Variants in SORCS3 observed in about 807,000 individuals in gnomAD.
SORCS3 encodes the protein sortilin related VPS10 domain containing receptor 3.
A neutral mutation model predicts 146.3 loss-of-function variants in SORCS3; 57 were observed. That is an observed-to-expected ratio of 0.39 (90% CI 0.31 to 0.49). SORCS3 has a LOEUF of 0.49. Ranked by LOEUF, SORCS3 falls within the 20% of genes least tolerant of loss-of-function variation. SORCS3 has a pLI of 0.92. For missense variants in SORCS3, 1,341 were observed against 1,575.5 expected, an observed-to-expected ratio of 0.85 and a Z score of 2.52; for synonymous variants, 653 against 618.5, an observed-to-expected ratio of 1.06 and a Z score of -0.83.
intron 7 of SORCS3, among the ~76,000 whole-genome samples, chr10:105,116,296 TC>T (rs1477715305): frequency 1.3e-5 from 2 of 152,178 alleles, no homozygotes; most frequent in African/African-American, 4.8e-5. Context: ...GATCCCCTGT[TC>T]CAGGGCTGAT....
chr10:104,810,025 A>G (rs1187869017), intron 1 of SORCS3, among the ~76,000 whole-genome samples: 1 of 152,156 alleles, frequency 6.6e-6, no homozygotes, highest in Admixed American at 6.5e-5. Context: ...GGGTTGGACT[A>G]TTTCTGAACA....
intron 4 of SORCS3, among the ~76,000 whole-genome samples, chr10:105,027,653 T>A (rs2055239704): frequency 6.6e-6 from 1 of 152,242 alleles, no homozygotes. Context: ...CAGCTGAGGT[T>A]CAACAAGCAA....
At chr10:105,099,242 CATAAA>C (rs2055766900) in intron 6 of SORCS3, among the ~76,000 whole-genome samples, 1 of 152,242 alleles carries the variant, frequency 6.6e-6, no homozygotes, top group African/African-American at 2.4e-5. Flanking sequence ...GTTAATGTTA[CATAAA>C]ATAAACAGCT....
intron 1 of SORCS3, among the ~76,000 whole-genome samples, chr10:104,738,533 A>C (rs1375573777): frequency 6.6e-6 from 1 of 152,166 alleles, no homozygotes; most frequent in Non-Finnish European, 1.5e-5. Flanking sequence ...TATAGTTGGC[A>C]TATCGTCTTT....
chr10:105,173,450 T>G (rs531526593), intron 13 of SORCS3, among the ~76,000 whole-genome samples: 1 of 152,310 alleles, frequency 6.6e-6, no homozygotes, highest in East Asian at 1.9e-4. Context: ...TCATGCAACC[T>G]CTATATATTT....
chr10:104,839,935 C>T (rs2018118282), intron 1 of SORCS3, among the ~76,000 whole-genome samples: 1 of 152,156 alleles, frequency 6.6e-6, no homozygotes, highest in South Asian at 2.1e-4. Context: ...GGGAGCATCT[C>T]AGACTGTAGT....
At chr10:105,235,884 GT>G (rs1388582997) in intron 20 of SORCS3, among the ~76,000 whole-genome samples, 2 of 152,080 alleles carry the variant, frequency 1.3e-5, no homozygotes, top group African/African-American at 4.8e-5. Context: ...CAACTTTATT[GT>G]TGTGAAAACT....
At chr10:104,895,588 G>A (rs1589540257) in intron 2 of SORCS3, among the ~76,000 whole-genome samples, 1 of 152,118 alleles carries the variant, frequency 6.6e-6, no homozygotes, top group East Asian at 1.9e-4. Context: ...CCTTTTCACA[G>A]CATCTGTGTC....
At chr10:105,196,645 C>A (rs1032347979) in intron 14 of SORCS3, among the ~76,000 whole-genome samples, 1 of 152,254 alleles carries the variant, frequency 6.6e-6, no homozygotes, top group East Asian at 1.9e-4. Flanking sequence ...ATTTTATAAA[C>A]TTCCACACTT....
chr10:105,054,506 T>G (rs955265055), intron 5 of SORCS3, among the ~76,000 whole-genome samples: 3 of 151,960 alleles, frequency 2.0e-5, no homozygotes, highest in Admixed American at 1.3e-4. Context: ...ATATAACAAT[T>G]TAATCATTTT....
At chr10:105,091,607 A>G (rs1214227380) in intron 6 of SORCS3, among the ~76,000 whole-genome samples, 1 of 150,362 alleles carries the variant, frequency 6.7e-6, no homozygotes, top group Non-Finnish European at 1.5e-5. Context: ...ATCCTTAAAT[A>G]GATGTAAATC....
At chr10:104,748,707 G>A (rs964175757) in intron 1 of SORCS3, among the ~76,000 whole-genome samples, 1 of 152,134 alleles carries the variant, frequency 6.6e-6, no homozygotes, top group African/African-American at 2.4e-5. Context: ...ACAAAAATTT[G>A]CTGGGTGTGG....
intron 2 of SORCS3, among the ~76,000 whole-genome samples, chr10:104,871,377 T>G (rs937589240): frequency 1.3e-5 from 2 of 152,154 alleles, no homozygotes; most frequent in African/African-American, 4.8e-5. Context: ...GCAAACCAAT[T>G]TTAAGAGTCA....
intron 2 of SORCS3, among the ~76,000 whole-genome samples, chr10:104,860,670 C>T (rs1049399316): frequency 3.0e-4 from 46 of 152,114 alleles, no homozygotes; most frequent in East Asian, 1.9e-4. Flanking sequence ...GGACAATGAT[C>T]GAAGTGCTTT....
chr10:104,924,865 C>T (rs746505090), intron 3 of SORCS3, among the ~76,000 whole-genome samples: 1 of 152,040 alleles, frequency 6.6e-6, no homozygotes, highest in Non-Finnish European at 1.5e-5. Flanking sequence ...TAATACTGTC[C>T]ACTAGCTCCC....
chr10:104,908,170 G>A (rs1384376783), intron 2 of SORCS3, among the ~76,000 whole-genome samples: 1 of 152,190 alleles, frequency 6.6e-6, no homozygotes, highest in Non-Finnish European at 1.5e-5. Flanking sequence ...TACACCTGAA[G>A]GAGCTGCTAG....
intron 1 of SORCS3, among the ~76,000 whole-genome samples, chr10:104,772,381 G>T (rs552500969): frequency 6.6e-6 from 1 of 152,150 alleles, no homozygotes; most frequent in Non-Finnish European, 1.5e-5. Context: ...ATTGATCCTA[G>T]GGGCCAGCTT....
intron 3 of SORCS3, among the ~76,000 whole-genome samples, chr10:104,966,622 C>T (rs1444358296): frequency 2.0e-5 from 3 of 152,122 alleles, no homozygotes; most frequent in East Asian, 1.9e-4. Flanking sequence ...AAACGTTTAG[C>T]TTTCACTTGA....
intron 1 of SORCS3, among the ~76,000 whole-genome samples, chr10:104,820,424 A>C (rs2017860024): frequency 6.6e-6 from 1 of 152,220 alleles, no homozygotes. Context: ...GATGTTTATA[A>C]ACATCTACTA....
Sources: allele counts gnomAD v4.1 joint callset (sites outside exome capture counted in the v4.1 genomes callset), GRCh38; gene constraint gnomAD v4.1.1; transcripts MANE v1.5; gene names NCBI Gene and HGNC (gene_info 2026-07-23, HGNC 2026-07-21).